OTOGL: variants seen among roughly 807,000 people sequenced by gnomAD.
OTOGL encodes the protein otogelin-like protein.
In OTOGL, 285 loss-of-function variants were observed where a neutral mutation model predicts 318.5. That is an observed-to-expected ratio of 0.89 (90% CI 0.81 to 0.99). OTOGL has a LOEUF of 0.99. Ranked by LOEUF, OTOGL falls within the 50% of genes least tolerant of loss-of-function variation. The pLI is 0.00. For missense variants in OTOGL, 2,899 were observed against 2,845.6 expected, an observed-to-expected ratio of 1.02 and a Z score of -0.43; for synonymous variants, 987 against 936.5, an observed-to-expected ratio of 1.05 and a Z score of -0.99.
intron 1 of OTOGL, among the ~76,000 whole-genome samples, chr12:80,190,946 C>T (rs1037160945): frequency 1.3e-4 from 20 of 152,152 alleles, no homozygotes; most frequent in Middle Eastern, 3.4e-3. Context: ...TTGCAGCTAA[C>T]AGGGAAAGGC....
chr12:80,100,715 G>A (rs997397302), intron 1 of OTOGL, among the ~76,000 whole-genome samples: 8 of 152,166 alleles, frequency 5.3e-5, no homozygotes, highest in Admixed American at 2.6e-4. Flanking sequence ...ATTGGGGGTG[G>A]GAGACATTAT....
intron 43 of OTOGL, 32 bp downstream of exon 43, chr12:80,339,296 C>CTGTTT: frequency 2.3e-6 from 1 of 434,294 alleles, no homozygotes; most frequent in Non-Finnish European, 3.3e-6. Flanking sequence ...TTGATTTCGT[C>CTGTTT]TGTTTTTTTT....
chr12:80,222,308 A>C, intron 7 of OTOGL, 63 bp downstream of exon 7: 3 of 1,400,180 alleles, frequency 2.1e-6, no homozygotes, highest in Middle Eastern at 1.8e-4. Context: ...TGTATTTTTA[A>C]AGTACTGGGA....
At chr12:80,235,657 A>C (rs1879780780) in intron 9 of OTOGL, among the ~76,000 whole-genome samples, 1 of 152,144 alleles carries the variant, frequency 6.6e-6, no homozygotes, top group Non-Finnish European at 1.5e-5. Context: ...ATGGTTGTTC[A>C]TAGTGAGCCA....
At chr12:80,121,937 A>G (rs565867416) in intron 1 of OTOGL, among the ~76,000 whole-genome samples, 1 of 152,180 alleles carries the variant, frequency 6.6e-6, no homozygotes, top group Non-Finnish European at 1.5e-5. Context: ...AGTGACACAC[A>G]CTTATAATTT....
chr12:80,204,130 GAA>G (rs1251128942), intron 1 of OTOGL, among the ~76,000 whole-genome samples: 1 of 152,120 alleles, frequency 6.6e-6, no homozygotes, highest in African/African-American at 2.4e-5. Flanking sequence ...AGATAAAGGG[GAA>G]ACCTTTTTTG....
At chr12:80,191,186 C>T (rs189238543) in intron 1 of OTOGL, among the ~76,000 whole-genome samples, 2 of 152,252 alleles carry the variant, frequency 1.3e-5, no homozygotes, top group African/African-American at 4.8e-5. Context: ...GCCTATAATC[C>T]CAGCATTTTG....
chr12:80,265,146 C>T lies in OTOGL; in HGVS notation c.2160C>T (p.His720=), dbSNP rs1882852123. 2 of 1,613,776 alleles carry T rather than the reference C, an allele frequency of 1.2e-6. No homozygotes were observed. The highest frequency in any genetic ancestry group is 1.7e-6 in the Non-Finnish European group (2 of 1,179,864). The part of the protein sequence containing the change: ...GSSCLCNALA[H]YAYLCGQHGV... The stretch of plus-strand genomic sequence containing the variant: ...CCTGCCTGTGCAATGCTCTTGCCCA[C>T]TATGCCTACCTCTGCGGCCAGCACG... The change falls in exon 20 of 59, where the codon CAC becomes CAT. Residue 720 remains histidine, a synonymous_variant. Transcript: ENST00000547103.
At chr12:80,109,199 T>C (rs941191548) in intron 1 of OTOGL, among the ~76,000 whole-genome samples, 1 of 151,986 alleles carries the variant, frequency 6.6e-6, no homozygotes, top group Admixed American at 6.6e-5. Context: ...AATCTGAAAC[T>C]AAATGTTTTT....
In OTOGL at chr12:80,352,302, C is replaced by T. The variant is rs372958953; in HGVS notation, c.5273C>T (p.Pro1758Leu). The change falls in exon 45 of 59, where the codon CCG becomes CTG. Residue 1758 changes from proline to leucine, a missense_variant. By Grantham distance (98) the Pro-to-Leu change is moderately conservative (BLOSUM62 -3). Coordinates refer to ENST00000547103, the MANE Select transcript of OTOGL (RefSeq NM_001378609.3). ...IFIPCHDKVS[P>L]EDFCEKMWIN... ...GGCAAAATGTTTCTCTAGGTTTCAC[C>T]GGAAGACTTTTGTGAAAAGATGTGG... 6.7e-5 allele frequency: 108 copies of T among 1,606,362 alleles called. No individual in the cohort carries two copies. In the Admixed American group the frequency reaches 8.6e-4, roughly 13 times the overall value.
chr12:80,241,687 G>C (rs1880392534), intron 11 of OTOGL, among the ~76,000 whole-genome samples: 1 of 152,010 alleles, frequency 6.6e-6, no homozygotes, highest in Non-Finnish European at 1.5e-5. Flanking sequence ...GCATTTTTTA[G>C]TTCAGGATGT....
intron 1 of OTOGL, among the ~76,000 whole-genome samples, chr12:80,153,722 C>A (rs993463766): frequency 2.0e-5 from 3 of 152,150 alleles, no homozygotes; most frequent in African/African-American, 7.2e-5. Flanking sequence ...TCCTCTATAC[C>A]CCTCCAAATC....
At chr12:80,184,477 G>A (rs1379176185) in intron 1 of OTOGL, among the ~76,000 whole-genome samples, 2 of 152,236 alleles carry the variant, frequency 1.3e-5, no homozygotes, top group Admixed American at 6.5e-5. Flanking sequence ...AGAGATCTGG[G>A]TTTCATTAGC....
chr12:80,204,860 A>G (rs1283165985), intron 1 of OTOGL, among the ~76,000 whole-genome samples: 2 of 152,272 alleles, frequency 1.3e-5, no homozygotes, highest in Non-Finnish European at 2.9e-5. Flanking sequence ...ATTAACATGA[A>G]GCTTCCTGGA....
intron 1 of OTOGL, among the ~76,000 whole-genome samples, chr12:80,167,336 G>C (rs1192155915): frequency 1.3e-5 from 2 of 151,930 alleles, no homozygotes; most frequent in East Asian, 3.9e-4. Flanking sequence ...TAAAAATTTT[G>C]GTTTTGATTT....
intron 1 of OTOGL, among the ~76,000 whole-genome samples, chr12:80,156,991 T>A (rs553995264): frequency 6.6e-6 from 1 of 152,262 alleles, no homozygotes; most frequent in Non-Finnish European, 1.5e-5. Context: ...GTAGCTCAAT[T>A]TTTAGTTTTT....
In OTOGL at chr12:80,128,197, G is replaced by A. The variant is rs184758027; in HGVS notation, c.-20+28592G>A. On this transcript the variant is annotated intron_variant, in intron 1 of 58. Coordinates refer to ENST00000547103, the MANE Select transcript of OTOGL (RefSeq NM_001378609.3). ...TATCTACCTTTTGTCTTTGATGATGGTGATGTACAGATGGGGTTTTGGTGT... is the reference window on the plus strand; with the variant it reads ...TATCTACCTTTTGTCTTTGATGATGATGATGTACAGATGGGGTTTTGGTGT... Among the ~76,000 whole-genome samples the A allele has an allele frequency of 2.7e-3, 409 of 152,226 alleles. 1 individual carries two copies. The highest frequency in any genetic ancestry group is 9.1e-3 in the African/African-American group (376 of 41,518).
intron 1 of OTOGL, among the ~76,000 whole-genome samples, chr12:80,127,433 C>A (rs1029068871): frequency 7.9e-5 from 12 of 152,220 alleles, no homozygotes; most frequent in Non-Finnish European, 1.2e-4. Flanking sequence ...ATGGGCTTCC[C>A]TTTGTGGGTA....
intron 29 of OTOGL, among the ~76,000 whole-genome samples, chr12:80,308,076 G>A (rs938808675): frequency 1.4e-5 from 2 of 140,484 alleles, no homozygotes; most frequent in Non-Finnish European, 3.1e-5. Flanking sequence ...CCCGGACGGG[G>A]CGGCTGGCCG....
Sources: gnomAD v4.1 joint callset for allele counts (sites outside exome capture counted in the v4.1 genomes callset) on GRCh38, gnomAD v4.1.1 for gene constraint, MANE v1.5 for transcripts, NCBI Gene and HGNC (gene_info 2026-07-23, HGNC 2026-07-21) for gene names.